The following SCNN1B variants were observed in gnomAD, a reference collection of about 807,000 sequenced individuals.
The protein encoded by SCNN1B is sodium channel epithelial 1 subunit beta.
In SCNN1B, 46 loss-of-function variants were observed where a neutral mutation model predicts 65.3. That is an observed-to-expected ratio of 0.70 (90% CI 0.56 to 0.90). The LOEUF is 0.90. Ranked by LOEUF, SCNN1B falls within the 40% of genes least tolerant of loss-of-function variation. The pLI, the probability that SCNN1B is intolerant of heterozygous loss-of-function variation, is 0.00. For synonymous variants in SCNN1B, 349 were observed against 330.6 expected (o/e 1.06, Z -0.60); for missense variants, 751 against 830.5 (o/e 0.90, Z 1.18).
At chr16:23,315,895 A>T (rs891115957) in intron 1 of SCNN1B, among the ~76,000 whole-genome samples, 3 of 152,114 alleles carry the variant, frequency 2.0e-5, no homozygotes, top group Non-Finnish European at 2.9e-5. Flanking sequence ...GTACATCCTT[A>T]CCATCACCAT....
chr16:23,362,134 C>T (rs777468204), intron 4 of SCNN1B, among the ~76,000 whole-genome samples: 12 of 151,808 alleles, frequency 7.9e-5, no homozygotes, highest in Non-Finnish European at 1.6e-4. Context: ...TGCCTAAGCC[C>T]AGGAGTTTGA....
At chr16:23,286,526 G>A (rs1051773045) in intron 2 of SCNN1B, among the ~76,000 whole-genome samples, 24 of 152,382 alleles carry the variant, frequency 1.6e-4, no homozygotes, top group African/African-American at 5.8e-4. Flanking sequence ...TGATGCAAGA[G>A]CATACTTATA....
At chr16:23,341,027 G>T (rs1962044080) in intron 1 of SCNN1B, among the ~76,000 whole-genome samples, 1 of 152,088 alleles carries the variant, frequency 6.6e-6, no homozygotes, top group South Asian at 2.1e-4. Flanking sequence ...CAAAAATTCT[G>T]CTAGGATTTT....
chr16:23,361,245 C>G (rs550371264), intron 4 of SCNN1B, among the ~76,000 whole-genome samples: 1 of 152,032 alleles, frequency 6.6e-6, no homozygotes, highest in South Asian at 2.1e-4. Flanking sequence ...GACTTTTTAT[C>G]GAGGAATAGT....
rs201941596 is a variant in SCNN1B at position 23,367,977 on chromosome 16, G to C, written c.880+18G>C. ...TGAATTCGGTGAGTTTTGGTTTATC[G>C]TGGGGCCAGAGCCATGAGGCTTTAA... On this transcript the variant is annotated intron_variant, in intron 5 of 12. Coordinates refer to ENST00000343070, the MANE Select transcript of SCNN1B (RefSeq NM_000336.3). The C allele has an allele frequency of 5.7e-6, 9 of 1,577,574 alleles. No homozygotes were observed. The South Asian group carries it at 6.6e-5, about 12-fold the overall frequency.
Position 23,348,132 on chromosome 16 carries a change from A to G in SCNN1B, c.-8-460A>G, listed in dbSNP as rs1017624497. ...ATCATGGGGAGGACATGTAAACTCC[A>G]TATAGACAGTGGCCCTGGCTGGGAA... On this transcript the variant is annotated intron_variant, in intron 1 of 12. Coordinates refer to ENST00000343070, the MANE Select transcript of SCNN1B (RefSeq NM_000336.3). The surrounding 1 kb of genome is among the most constrained non-coding windows in gnomAD (Gnocchi z 4.5). 2.0e-5 allele frequency among the ~76,000 whole-genome samples: 3 copies of G among 152,132 alleles called. No homozygotes were observed. Among genetic ancestry groups the G allele is most frequent in the Admixed American group, 6.5e-5 (1 of 15,270 alleles).
intron 2 of SCNN1B, among the ~76,000 whole-genome samples, chr16:23,284,177 G>A (rs1232966105): frequency 6.6e-6 from 1 of 152,132 alleles, no homozygotes; most frequent in African/African-American, 2.4e-5. Flanking sequence ...GGCTGAGGTG[G>A]GCGGATCACC....
At chr16:23,340,189 G>T (rs956127391) in intron 1 of SCNN1B, among the ~76,000 whole-genome samples, 2 of 151,944 alleles carry the variant, frequency 1.3e-5, no homozygotes, top group African/African-American at 4.8e-5. Context: ...TATATATTCC[G>T]CATAGAAATT....
At chr16:23,343,239 G>A (rs181579967) in intron 1 of SCNN1B, among the ~76,000 whole-genome samples, 25 of 152,122 alleles carry the variant, frequency 1.6e-4, no homozygotes, top group South Asian at 4.2e-4. Context: ...CAGATCACCA[G>A]GTCAGGAGAT....
intron 1 of SCNN1B, among the ~76,000 whole-genome samples, chr16:23,311,131 T>G (rs547563009): frequency 8.5e-5 from 13 of 152,338 alleles, no homozygotes; most frequent in African/African-American, 2.9e-4. Flanking sequence ...CCCGCAGGAA[T>G]TGACCCAGTG....
chr16:23,342,608 A>G (rs1429192068), intron 1 of SCNN1B, among the ~76,000 whole-genome samples: 1 of 152,188 alleles, frequency 6.6e-6, no homozygotes, highest in Admixed American at 6.5e-5. Flanking sequence ...CATTGGAAGA[A>G]GAATTATCTT....
rs1233677006 is a variant in SCNN1B at position 23,365,479 on chromosome 16, AG to A, written c.777-2376del. On this transcript the variant is annotated intron_variant, in intron 4 of 12. Coordinates refer to ENST00000343070, the MANE Select transcript of SCNN1B (RefSeq NM_000336.3). ...GGAGAAAGAGAAAGAAAAGAGAGAA[AG>A]AAAAAGAAGAAAAGAAAGAAAAAGA... Among the ~76,000 whole-genome samples the A allele has an allele frequency of 6.0e-5, 8 of 134,260 alleles. No individual in the cohort carries two copies. In the East Asian group the frequency reaches 1.9e-3, roughly 32 times the overall value. The allele number at this position is 134,260 out of a possible 152,430, so 88.1% of individuals were successfully genotyped here.
intron 1 of SCNN1B, among the ~76,000 whole-genome samples, chr16:23,279,020 G>A (rs948497318): frequency 2.0e-5 from 3 of 151,860 alleles, no homozygotes; most frequent in Non-Finnish European, 4.4e-5. Flanking sequence ...GGGAGGGGGC[G>A]GGTGTTGAAA....
intron 1 of SCNN1B, among the ~76,000 whole-genome samples, chr16:23,305,545 T>A (rs1304231061): frequency 0.18 from 7,820 of 43,082 alleles, 1,725 homozygotes; most frequent in African/African-American, 0.55. Context: ...TATATATATA[T>A]ATATATATAT....
intron 7 of SCNN1B, among the ~76,000 whole-genome samples, chr16:23,373,161 C>T (rs889237338): frequency 2.6e-5 from 4 of 152,120 alleles, no homozygotes; most frequent in African/African-American, 9.7e-5. Flanking sequence ...CTCTGTTACC[C>T]AGGCTGAAGT....
chr16:23,340,639 C>T (rs1168905326), intron 1 of SCNN1B, among the ~76,000 whole-genome samples: 1 of 152,040 alleles, frequency 6.6e-6, no homozygotes, highest in Non-Finnish European at 1.5e-5. Flanking sequence ...CAAGTGATCC[C>T]AGTACTTTAT....
intron 1 of SCNN1B, among the ~76,000 whole-genome samples, chr16:23,345,959 G>A (rs1373498164): frequency 6.6e-6 from 1 of 152,130 alleles, no homozygotes; most frequent in Non-Finnish European, 1.5e-5. Context: ...TCCTGCCGCA[G>A]GTTCCTGCTC....
intron 2 of SCNN1B, among the ~76,000 whole-genome samples, chr16:23,287,703 C>T (rs1021013360): frequency 6.6e-6 from 1 of 152,064 alleles, no homozygotes. Context: ...ATGATTATAC[C>T]ACCACAATCC....
chr16:23,358,661 C>A (rs1216195098), intron 4 of SCNN1B: 1 of 152,214 alleles, frequency 6.6e-6, no homozygotes, highest in Admixed American at 6.5e-5. Flanking sequence ...AATCCCAGCA[C>A]TTTGGGAGGC....
Sources: gnomAD v4.1 joint callset for allele counts (sites outside exome capture counted in the v4.1 genomes callset) on GRCh38, gnomAD v4.1.1 for gene constraint, Gnocchi (gnomAD v3.1) non-coding constraint, MANE v1.5 for transcripts, NCBI Gene and HGNC (gene_info 2026-07-23, HGNC 2026-07-21) for gene names.